Variants in OR7C1 observed in about 807,000 individuals in gnomAD.
OR7C1 encodes olfactory receptor family 7 subfamily C member 1.
For missense variants in OR7C1, 324 were observed against 383.3 expected (o/e 0.85, Z 1.29); for synonymous variants, 152 against 160.7 (o/e 0.95, Z 0.41).
In OR7C1 at chr19:14,799,857, A is replaced by G. The variant is rs146876180; in HGVS notation, c.280T>C (p.Tyr94His). The G allele has an allele frequency of 7.7e-5, 125 of 1,614,054 alleles. No homozygotes were observed. Among genetic ancestry groups the G allele is most frequent in the Non-Finnish European group, 1.0e-4 (118 of 1,180,046 alleles). Residue 94 changes from tyrosine to histidine, a missense_variant, in exon 5 of 5, where the codon TAT becomes CAT. Coordinates refer to ENST00000641666, the Ensembl canonical transcript of OR7C1. Reference sequence around the variant, plus strand: ...AAAATCTGACTGAGACAGCCTGCATATGTTATGAATTTGTTCTGTGTCAGT... The same window carrying G: ...AAAATCTGACTGAGACAGCCTGCATGTGTTATGAATTTGTTCTGTGTCAGT...
intron 1 of OR7C1, chr19:14,827,012 T>G (rs2044774099): frequency 7.0e-6 from 2 of 287,716 alleles, no homozygotes; most frequent in Admixed American, 4.7e-5. Context: ...CTTCCCTGTA[T>G]GAGACAAATG....
At chr19:14,808,567 A>G (rs1399649197) in intron 2 of OR7C1, among the ~76,000 whole-genome samples, 1 of 139,112 alleles carries the variant, frequency 7.2e-6, no homozygotes, top group African/African-American at 2.6e-5. Context: ...AAGCCAAACA[A>G]TGTATACCAT....
intron 1 of OR7C1, among the ~76,000 whole-genome samples, chr19:14,823,665 A>G (rs2044751680): frequency 6.6e-6 from 1 of 152,124 alleles, no homozygotes; most frequent in Non-Finnish European, 1.5e-5. Context: ...CACATTCTAT[A>G]TTTATGTGTC....
chr19:14,820,882 T>C (rs1387245958), intron 1 of OR7C1, among the ~76,000 whole-genome samples: 2 of 152,058 alleles, frequency 1.3e-5, no homozygotes, highest in African/African-American at 4.8e-5. Flanking sequence ...AAAAACTCAA[T>C]ACCTGGGAAT....
chr19:14,815,940 A>G (rs564977122), intron 1 of OR7C1, among the ~76,000 whole-genome samples: 2 of 151,594 alleles, frequency 1.3e-5, no homozygotes, highest in South Asian at 2.1e-4. Flanking sequence ...TCCCACCTCA[A>G]CCTCCCAGGT....
intron 2 of OR7C1, among the ~76,000 whole-genome samples, chr19:14,808,518 A>G (rs945002695): frequency 7.9e-5 from 12 of 151,906 alleles, no homozygotes; most frequent in African/African-American, 2.7e-4. Context: ...TAACTTGGAA[A>G]CAGAAAATCA....
intron 1 of OR7C1, among the ~76,000 whole-genome samples, chr19:14,815,527 A>T (rs1443329490): frequency 1.3e-5 from 2 of 152,182 alleles, no homozygotes; most frequent in African/African-American, 4.8e-5. Flanking sequence ...GCTAGAGGCT[A>T]TGCTTCCCAC....
intron 1 of OR7C1, among the ~76,000 whole-genome samples, chr19:14,812,379 A>G (rs1045617157): frequency 1.3e-5 from 2 of 152,194 alleles, no homozygotes; most frequent in African/African-American, 4.8e-5. Context: ...TGGCCTAAAC[A>G]TAGTAGTTAA....
At chr19:14,814,841 C>T (rs918880392) in intron 1 of OR7C1, among the ~76,000 whole-genome samples, 1 of 152,066 alleles carries the variant, frequency 6.6e-6, no homozygotes, top group Non-Finnish European at 1.5e-5. Context: ...CTCGTTATAC[C>T]CCTTCCTTTT....
At chr19:14,814,046 A>G (rs927644426) in intron 1 of OR7C1, among the ~76,000 whole-genome samples, 2 of 152,090 alleles carry the variant, frequency 1.3e-5, no homozygotes, top group Non-Finnish European at 2.9e-5. Context: ...AAAGACTTAA[A>G]CATTAGACCT....
chr19:14,801,913 G>C (rs1051078657), intron 2 of OR7C1, among the ~76,000 whole-genome samples: 1 of 152,170 alleles, frequency 6.6e-6, no homozygotes, highest in Non-Finnish European at 1.5e-5. Flanking sequence ...AACTGCCCCT[G>C]TGATCCAATC....
At chr19:14,818,467 G>C (rs1300225918) in intron 1 of OR7C1, among the ~76,000 whole-genome samples, 1 of 152,144 alleles carries the variant, frequency 6.6e-6, no homozygotes, top group Non-Finnish European at 1.5e-5. Context: ...TATTTAATAA[G>C]TGAAAAGGGG....
intron 1 of OR7C1, among the ~76,000 whole-genome samples, chr19:14,833,546 A>G (rs960620562): frequency 1.3e-5 from 2 of 152,264 alleles, no homozygotes; most frequent in African/African-American, 4.8e-5. Flanking sequence ...GTGGGTGGGC[A>G]AATCACCTTA....
exon 5 of OR7C1, chr19:14,798,668 A>G (rs2044622990): frequency 6.5e-6 from 1 of 153,486 alleles, no homozygotes. Flanking sequence ...TACATAGGCC[A>G]TAAAAGATTG....
chr19:14,810,618 C>T (rs895490846), intron 1 of OR7C1, among the ~76,000 whole-genome samples: 1 of 151,096 alleles, frequency 6.6e-6, no homozygotes, highest in African/African-American at 2.5e-5. Context: ...ATCTCCTGAC[C>T]TCATGATCCG....
intron 1 of OR7C1, among the ~76,000 whole-genome samples, chr19:14,812,054 C>G (rs1262347065): frequency 6.7e-6 from 1 of 150,192 alleles, no homozygotes; most frequent in South Asian, 2.1e-4. Flanking sequence ...GCTGCAGTGA[C>G]TGGGGCAGCT....
chr19:14,828,488 C>T (rs941475684), intron 1 of OR7C1, among the ~76,000 whole-genome samples: 3 of 152,030 alleles, frequency 2.0e-5, no homozygotes, highest in Admixed American at 1.3e-4. Context: ...TGGCTGGGCA[C>T]GGTGGCTTAT....
chr19:14,816,476 C>T (rs1362020350), intron 1 of OR7C1, among the ~76,000 whole-genome samples: 2 of 152,218 alleles, frequency 1.3e-5, no homozygotes, highest in African/African-American at 4.8e-5. Flanking sequence ...CAGCTTTCGT[C>T]TTTCTCCCAT....
chr19:14,799,926 G>A (rs768549582), exon 5 of OR7C1: 2 of 1,614,110 alleles, frequency 1.2e-6, no homozygotes, highest in African/African-American at 1.3e-5. Flanking sequence ...GTAAAACAGA[G>A]GTCAGCAAAA....
Sources: gnomAD v4.1 joint callset for allele counts (sites outside exome capture counted in the v4.1 genomes callset) on GRCh38, gnomAD v4.1.1 for gene constraint, MANE v1.5 for transcripts, NCBI Gene and HGNC (gene_info 2026-07-23, HGNC 2026-07-21) for gene names.